Variants in ARID4B observed in about 807,000 individuals in gnomAD.
The protein encoded by ARID4B is AT-rich interactive domain-containing protein 4B.
A neutral mutation model predicts 147.5 loss-of-function variants in ARID4B; 26 were observed. The ratio of observed to expected loss-of-function variants is 0.18; its 90% confidence interval spans 0.13 to 0.24. The LOEUF (loss-of-function observed/expected upper bound fraction) is 0.24, where lower values mean the gene tolerates loss of function less well. ARID4B is among the 10% of genes least tolerant of loss of function. ARID4B has a pLI of 1.00. For synonymous variants in ARID4B, 512 were observed against 507.9 expected (o/e 1.01, Z -0.11); for missense variants, 1,179 against 1,511.5 (o/e 0.78, Z 3.65).
chr1:235,221,555 A>C lies in ARID4B; in HGVS notation c.1163+10T>G. 1 of 1,484,160 alleles carries C rather than the reference A, an allele frequency of 6.7e-7. No individual in the cohort carries two copies. The highest frequency in any genetic ancestry group is 9.3e-7 in the Non-Finnish European group (1 of 1,072,096). 91.9% of individuals were successfully genotyped at this position (1,484,160 alleles called of 1,614,324 possible). On this transcript the variant is annotated intron_variant, in intron 14 of 23. Transcript: ENST00000264183. ...TACTGAAGATAATCATATCAATTAT[A>C]CTAACTTACTTTTTATAAGCACATT... is the stretch of plus-strand genomic sequence containing the variant.
chr1:235,231,149 C>T lies in ARID4B; in HGVS notation c.706G>A (p.Asp236Asn), dbSNP rs760452353. ...PRKDVHEITS[D>N]TAPKPDAVLK... ...ACAGCATCAGGCTTTGGTGCAGTGTCACTAGTAATTTCATGGACATCTTTT... is the reference window on the plus strand; with the variant it reads ...ACAGCATCAGGCTTTGGTGCAGTGTTACTAGTAATTTCATGGACATCTTTT... Residue 236 changes from aspartate (D) to asparagine (N), a missense_variant, in exon 10 of 24, where the codon GAC becomes AAC. Physicochemically the swap from Asp to Asn is conservative, Grantham distance 23. Coordinates refer to ENST00000264183, the MANE Select transcript of ARID4B (RefSeq NM_016374.6). 6.3e-7 allele frequency: 1 copy of T among 1,591,640 alleles called. No individual in the cohort carries two copies. Among genetic ancestry groups the T allele is most frequent in the South Asian group, 1.2e-5 (1 of 85,450 alleles).
At chr1:235,183,261 G>A (rs1017264041) in intron 19 of ARID4B, among the ~76,000 whole-genome samples, 2 of 150,416 alleles carry the variant, frequency 1.3e-5, no homozygotes, top group Non-Finnish European at 2.9e-5. Flanking sequence ...AGCTAAAAGT[G>A]TAAGTGGCGT....
intron 2 of ARID4B, among the ~76,000 whole-genome samples, chr1:235,295,550 G>A (rs1314104498): frequency 2.0e-5 from 3 of 151,180 alleles, no homozygotes; most frequent in Non-Finnish European, 2.9e-5. Context: ...GGAGGCTCAC[G>A]CCTGTAATCC....
intron 2 of ARID4B, among the ~76,000 whole-genome samples, chr1:235,296,868 A>AAAGAGGGAGGGAGGGAG (rs1553314013): frequency 1.4e-5 from 2 of 144,504 alleles, no homozygotes; most frequent in Admixed American, 6.9e-5. Context: ...GAAGGGAGAG[A>AAAGAGGGAGGGAGGGAG]GTACTTCCTG....
rs1182624099 is a variant in ARID4B at position 235,219,857 on chromosome 1, T to C, written c.1519A>G (p.Thr507Ala). 6.2e-7 allele frequency: 1 copy of C among 1,609,482 alleles called. No individual in the cohort carries two copies. The highest frequency in any genetic ancestry group is 1.3e-5 in the African/African-American group (1 of 74,768). ...TTGAGGGATTCATCTACCCTAGTTG[T>C]GTCATCATCTTTGTCATCCAGATTT... ...NENLDDKDDD[T>A]TRVDESLNIK... is the part of the protein sequence containing the mutation. The change falls in exon 16 of 24, where the codon ACA (threonine) becomes GCA (alanine). Residue 507 changes from threonine to alanine, a missense_variant. Physicochemically the swap from Thr to Ala is moderately conservative, Grantham distance 58. Around this residue, in one of 10 missense-constraint regions of ARID4B, gnomAD observed 204 missense variants for 210.9 expected, o/e 0.97. Transcript: ENST00000264183.
chr1:235,236,874 T>A (rs1300914975), intron 8 of ARID4B, among the ~76,000 whole-genome samples: 19 of 55,596 alleles, frequency 3.4e-4, no homozygotes, highest in East Asian at 7.6e-4. Context: ...TTTTTTTTTT[T>A]TTTTTTTTTT....
rs552789653 is a variant in ARID4B, at chr1:235,310,048, C to T, written c.6+16866G>A. Among the ~76,000 whole-genome samples the T allele has an allele frequency of 1.2e-3, 186 of 151,900 alleles. 1 individual carries two copies. Among genetic ancestry groups the T allele is most frequent in the African/African-American group, 4.4e-3 (182 of 41,422 alleles). ...CAGGGACACAAACACTGCGGAAGGCCACAGGGTCCTCTGCCTAGGAAAACC... is the reference window on the plus strand; with the variant it reads ...CAGGGACACAAACACTGCGGAAGGCTACAGGGTCCTCTGCCTAGGAAAACC... On this transcript the variant is annotated intron_variant, in intron 2 of 23. Transcript: ENST00000264183.
intron 2 of ARID4B, among the ~76,000 whole-genome samples, chr1:235,310,575 T>G (rs554990608): frequency 1.3e-5 from 2 of 152,258 alleles, no homozygotes; most frequent in South Asian, 4.1e-4. Context: ...GCCATATAAC[T>G]GTACGGTTAA....
intron 2 of ARID4B, among the ~76,000 whole-genome samples, chr1:235,278,532 T>G (rs183685287): frequency 2.9e-3 from 441 of 152,276 alleles, no homozygotes; most frequent in Non-Finnish European, 4.3e-3. Context: ...TACTAGACTG[T>G]GATTACCCAA....
In ARID4B at chr1:235,202,815, G is replaced by GAGC. The variant is rs1366030205; in HGVS notation, c.1842-6701_1842-6700insGCT. On this transcript the variant is annotated intron_variant, in intron 17 of 23. Coordinates refer to ENST00000264183, the MANE Select transcript of ARID4B (RefSeq NM_016374.6). ...TTTGCCTGCCTCAGCCTCCTGAAGT[G>GAGC]CTGGGATTACAGGCGTGAGCCACCA... Among the ~76,000 whole-genome samples, 7 of 152,106 alleles carry GAGC rather than the reference G, an allele frequency of 4.6e-5. No individual in the cohort carries two copies. In the East Asian group the frequency reaches 1.4e-3, roughly 29 times the overall value.
intron 17 of ARID4B, among the ~76,000 whole-genome samples, chr1:235,206,582 G>A (rs567695703): frequency 2.6e-5 from 4 of 152,122 alleles, no homozygotes; most frequent in Admixed American, 6.6e-5. Flanking sequence ...TCTTAATTTT[G>A]AGAAAGGAAG....
rs748033184 is a variant in ARID4B, at chr1:235,175,290, T to C, written c.3558A>G (p.Ala1186=). Residue 1186 remains alanine, a synonymous_variant, in exon 22 of 24, where the codon GCA becomes GCG. Coordinates refer to ENST00000264183, the MANE Select transcript of ARID4B (RefSeq NM_016374.6). ...GMKSHSTKSP[A]RTQSPGKCGK... is the part of the protein sequence containing the mutation. ...CACATTTTCCTGGAGACTGCGTCCT[T>C]GCGGGAGATTTGGTACTATGAGACT... is the stretch of plus-strand genomic sequence containing the variant. 6 of 1,614,056 alleles carry C rather than the reference T, an allele frequency of 3.7e-6. No individual in the cohort carries two copies. Among genetic ancestry groups the C allele is most frequent in the Admixed American group, 1.7e-5 (1 of 60,002 alleles).
rs779705912 is a variant in ARID4B, at chr1:235,194,200, G to T, written c.1938C>A (p.Asp646Glu). ...KHRKKIKNKL[D>E]KEKDKDEKYS... ...ATTTTTCATCTTTGTCTTTTTCTTT[G>T]TCTAATTTATTCTAGGTTAAGAAAA... Residue 646 changes from aspartate (D) to glutamate (E), a missense_variant, in exon 19 of 24, where the codon GAC (aspartate) becomes GAA (glutamate). Physicochemically the swap from Asp to Glu is conservative, Grantham distance 45. Transcript: ENST00000264183. 1.1e-5 allele frequency: 18 copies of T among 1,606,042 alleles called. No individual in the cohort carries two copies. Among genetic ancestry groups the T allele is most frequent in the Non-Finnish European group, 1.5e-5 (18 of 1,173,364 alleles).
At chr1:235,305,065 A>C (rs986194423) in intron 2 of ARID4B, among the ~76,000 whole-genome samples, 1 of 152,188 alleles carries the variant, frequency 6.6e-6, no homozygotes, top group Non-Finnish European at 1.5e-5. Flanking sequence ...TAATTAGTTG[A>C]CCTTGAAAGG....
chr1:235,225,771 T>A (rs766655333), intron 11 of ARID4B, among the ~76,000 whole-genome samples: 16 of 152,232 alleles, frequency 1.1e-4, no homozygotes, highest in South Asian at 2.1e-4. Context: ...TGGAAAATCA[T>A]GTGCCTAATG....
At chr1:235,318,862 C>A (rs979121841) in intron 2 of ARID4B, among the ~76,000 whole-genome samples, 9 of 151,738 alleles carry the variant, frequency 5.9e-5, no homozygotes, top group Non-Finnish European at 5.9e-5. Flanking sequence ...GCCTGGGTGA[C>A]AGAATCAAAA....
At chr1:235,176,437 CAAAAAAAAAAAAAAAAAAAAA>C (rs34808765) in intron 21 of ARID4B, among the ~76,000 whole-genome samples, 2 of 22,522 alleles carry the variant, frequency 8.9e-5, no homozygotes, top group African/African-American at 2.0e-4. Flanking sequence ...ACAACATCAC[CAAAAAAAAAAAAAAAAAAAAA>C]AAAAAAAAAA....
intron 22 of ARID4B, among the ~76,000 whole-genome samples, chr1:235,174,848 G>A (rs1266455277): frequency 6.6e-6 from 1 of 151,316 alleles, no homozygotes; most frequent in Non-Finnish European, 1.5e-5. Context: ...GCTCATGCCT[G>A]TAATCCCAGC....
intron 19 of ARID4B, among the ~76,000 whole-genome samples, chr1:235,189,293 G>C (rs1305071970): frequency 6.6e-6 from 1 of 150,892 alleles, no homozygotes; most frequent in Non-Finnish European, 1.5e-5. Flanking sequence ...CCAGCTACTC[G>C]GGAGGCTGAG....
Sources: allele counts gnomAD v4.1 joint callset (sites outside exome capture counted in the v4.1 genomes callset), GRCh38; gene constraint gnomAD v4.1.1; regional missense constraint gnomAD v4.1.1; transcripts MANE v1.5; gene names NCBI Gene and HGNC (gene_info 2026-07-23, HGNC 2026-07-21).